The following FHL5 variants were observed in gnomAD, a reference collection of about 807,000 sequenced individuals.
The protein encoded by FHL5 is four and a half LIM domains 5.
Under a neutral mutation model 32.0 loss-of-function variants are expected in FHL5, and 33 were observed. The ratio of observed to expected loss-of-function variants is 1.03; its 90% CI spans 0.78 to 1.38. The LOEUF (loss-of-function observed/expected upper bound fraction) is 1.38, where lower values mean the gene tolerates loss of function less well. Among genes scored for constraint, FHL5 ranks in the 40% most tolerant of loss-of-function variants. The pLI, the probability that FHL5 is intolerant of heterozygous loss-of-function variation, is 0.00. For missense variants in FHL5, 336 were observed against 343.9 expected (o/e 0.98, Z 0.18); for synonymous variants, 114 against 113.6 (o/e 1.00, Z -0.02).
chr6:96,565,195 A>G (rs983055300), intron 1 of FHL5, among the ~76,000 whole-genome samples: 1 of 152,198 alleles, frequency 6.6e-6, no homozygotes. Flanking sequence ...CCATATGTCT[A>G]AACTTTCACA....
At chr6:96,585,093 C>A (rs186196435) in intron 1 of FHL5, among the ~76,000 whole-genome samples, 43 of 152,190 alleles carry the variant, frequency 2.8e-4, no homozygotes, top group African/African-American at 1.0e-3. Flanking sequence ...AAATTAAAAC[C>A]CTGAACAAGA....
chr6:96,593,050 C>T (rs1582470059), intron 1 of FHL5, among the ~76,000 whole-genome samples: 1 of 151,882 alleles, frequency 6.6e-6, no homozygotes, highest in Non-Finnish European at 1.5e-5. Context: ...ACTTTTTATA[C>T]CTTTTATCAT....
chr6:96,567,583 T>C (rs567747782), intron 1 of FHL5, among the ~76,000 whole-genome samples: 36 of 151,864 alleles, frequency 2.4e-4, no homozygotes, highest in Non-Finnish European at 1.5e-4. Context: ...AGTAGTATTG[T>C]ATTAATTTTT....
rs367786388 is a variant in FHL5 at position 96,609,792 on chromosome 6, A to G, written c.505-780A>G. On this transcript the variant is annotated intron_variant, in intron 4 of 5. Transcript: ENST00000450218. ...GATGGTGATGCACACAGGCTGTGGA[A>G]TCAGACCATGCAGGTTTGAATCCTA... Among the ~76,000 whole-genome samples the G allele has an allele frequency of 2.6e-5, 4 of 152,326 alleles. No individual in the cohort carries two copies. In the East Asian group the frequency reaches 7.7e-4, roughly 29 times the overall value.
intron 1 of FHL5, among the ~76,000 whole-genome samples, chr6:96,568,312 CT>C (rs1456328206): frequency 2.6e-5 from 4 of 151,804 alleles, no homozygotes; most frequent in Non-Finnish European, 5.9e-5. Context: ...TGAGGTAAAT[CT>C]TACCTACATG....
chr6:96,599,283 C>T (rs750964457), intron 1 of FHL5, among the ~76,000 whole-genome samples: 2 of 150,800 alleles, frequency 1.3e-5, no homozygotes, highest in Non-Finnish European at 2.9e-5. Flanking sequence ...GCAACCTTCA[C>T]CTCCTGGGTT....
chr6:96,610,818 A>G (rs1344675718), intron 5 of FHL5, 60 bp downstream of exon 5: 3 of 1,216,252 alleles, frequency 2.5e-6, no homozygotes, highest in Admixed American at 2.2e-5. Context: ...ATGAAACACT[A>G]TCTAGTTAAT....
intron 1 of FHL5, among the ~76,000 whole-genome samples, chr6:96,581,002 T>C (rs1770685638): frequency 6.6e-6 from 1 of 152,168 alleles, no homozygotes. Flanking sequence ...TTTGAAAACA[T>C]ATTTGTTTTA....
intron 1 of FHL5, among the ~76,000 whole-genome samples, chr6:96,601,857 C>G (rs1196562786): frequency 2.0e-5 from 3 of 152,174 alleles, no homozygotes; most frequent in Non-Finnish European, 2.9e-5. Context: ...TGTTTCCAAG[C>G]CTTCGGTAAC....
chr6:96,598,985 A>G (rs1310163997), intron 1 of FHL5, among the ~76,000 whole-genome samples: 1 of 152,188 alleles, frequency 6.6e-6, no homozygotes, highest in Non-Finnish European at 1.5e-5. Context: ...TCTCTCCCAC[A>G]TGAAATGTTC....
At position 96,563,321 on chromosome 6, in the gene FHL5, G is replaced by T. The variant is rs1281601265; in HGVS notation, c.-47G>T. On this transcript the variant is annotated 5_prime_UTR_variant, in exon 1 of 6. Transcript: ENST00000450218. ...TCAACATATATTCTCCTTTCGTACT[G>T]TTTAAATCACAGGAAGAAGCGGCTT... is the stretch of plus-strand genomic sequence containing the variant. The T allele has an allele frequency of 6.6e-6, 1 of 152,132 alleles. No individual in the cohort carries two copies. The allele number at this position is 152,132 out of a possible 1,614,324, so 9.4% of individuals were successfully genotyped here.
chr6:96,600,558 G>A (rs1771126940), intron 1 of FHL5, among the ~76,000 whole-genome samples: 2 of 151,796 alleles, frequency 1.3e-5, no homozygotes, highest in African/African-American at 2.4e-5. Flanking sequence ...ATCTTCCTAG[G>A]AAGGTCTCTC....
chr6:96,584,594 G>T (rs965689305), intron 1 of FHL5, among the ~76,000 whole-genome samples: 1 of 151,888 alleles, frequency 6.6e-6, no homozygotes, highest in African/African-American at 2.4e-5. Flanking sequence ...TTTTATAGTC[G>T]AAGAAGAGCT....
intron 1 of FHL5, among the ~76,000 whole-genome samples, chr6:96,571,718 G>T (rs1770482992): frequency 6.6e-6 from 1 of 152,114 alleles, no homozygotes. Context: ...TGACTCCAGG[G>T]AATAAGGAGT....
At chr6:96,581,531 A>T (rs760972217) in intron 1 of FHL5, among the ~76,000 whole-genome samples, 1 of 152,174 alleles carries the variant, frequency 6.6e-6, no homozygotes, top group African/African-American at 2.4e-5. Flanking sequence ...CCTGTGTTAC[A>T]GGTTTCATCC....
intron 1 of FHL5, among the ~76,000 whole-genome samples, chr6:96,589,438 T>C (rs1770870220): frequency 6.6e-6 from 1 of 152,092 alleles, no homozygotes. Flanking sequence ...CTTTCAGTGG[T>C]TGTTAATGAA....
intron 1 of FHL5, among the ~76,000 whole-genome samples, chr6:96,579,836 C>T (rs947469867): frequency 4.6e-5 from 7 of 152,106 alleles, no homozygotes; most frequent in African/African-American, 1.4e-4. Flanking sequence ...GTTGAGGTCT[C>T]CCCAGGTCTG....
chr6:96,602,012 C>T (rs779690129), intron 1 of FHL5, among the ~76,000 whole-genome samples: 11 of 152,158 alleles, frequency 7.2e-5, no homozygotes, highest in Admixed American at 3.9e-4. Flanking sequence ...TGGGAAAAGA[C>T]CCACATATTC....
rs142362975 is a variant in FHL5, at chr6:96,565,486, C to T, written c.-13+2131C>T. 1.8e-3 allele frequency among the ~76,000 whole-genome samples: 268 copies of T among 152,188 alleles called. 1 individual carries two copies. The highest frequency in any genetic ancestry group is 5.7e-3 in the African/African-American group (235 of 41,536). On this transcript the variant is annotated intron_variant, in intron 1 of 5. Transcript: ENST00000450218. Reference sequence around the variant, plus strand: ...TTATTTTTTGTCTTCTCAAATTCTTCGGTTATACTTCCAGCACCAATGGAC... The same window carrying T: ...TTATTTTTTGTCTTCTCAAATTCTTTGGTTATACTTCCAGCACCAATGGAC...
Sources: allele counts gnomAD v4.1 joint callset (sites outside exome capture counted in the v4.1 genomes callset), GRCh38; gene constraint gnomAD v4.1.1; transcripts MANE v1.5; gene names NCBI Gene and HGNC (gene_info 2026-07-23, HGNC 2026-07-21).